GPC5: variants seen among roughly 807,000 people sequenced by gnomAD.
GPC5 encodes the protein glypican-5.
In GPC5, 47 loss-of-function variants were observed where a neutral mutation model predicts 53.9. That is an observed-to-expected ratio of 0.87 (90% confidence interval 0.69 to 1.11). The LOEUF is 1.11. GPC5 is among the 50% of genes most tolerant of loss of function. The pLI is 0.00. For missense variants in GPC5, 748 were observed against 713.1 expected (o/e 1.05, Z -0.56); for synonymous variants, 286 against 263.3 (o/e 1.09, Z -0.84).
At chr13:92,138,510 A>G (rs1200108274) in intron 6 of GPC5, among the ~76,000 whole-genome samples, 4 of 148,680 alleles carry the variant, frequency 2.7e-5, no homozygotes, top group Non-Finnish European at 5.9e-5. Context: ...ACAGAGCCAG[A>G]CTCCATCTCA....
chr13:92,349,970 AC>A (rs1311712904), intron 7 of GPC5, among the ~76,000 whole-genome samples: 2 of 152,182 alleles, frequency 1.3e-5, no homozygotes, highest in Non-Finnish European at 2.9e-5. Flanking sequence ...ATGAACATAG[AC>A]ATAAAAATCC....
chr13:91,452,993 C>T (rs1299332092), intron 2 of GPC5, among the ~76,000 whole-genome samples: 1 of 150,942 alleles, frequency 6.6e-6, no homozygotes, highest in Non-Finnish European at 1.5e-5. Flanking sequence ...TGGAAAATTT[C>T]CAGTTATATA....
At chr13:92,535,199 T>C (rs2138993280) in intron 7 of GPC5, among the ~76,000 whole-genome samples, 1 of 152,264 alleles carries the variant, frequency 6.6e-6, no homozygotes, top group Admixed American at 6.5e-5. Context: ...GGCCTCTCCC[T>C]TTGTTGTTTC....
At chr13:92,711,893 T>C (rs766058049) in intron 7 of GPC5, among the ~76,000 whole-genome samples, 8 of 151,776 alleles carry the variant, frequency 5.3e-5, no homozygotes, top group Non-Finnish European at 1.0e-4. Context: ...AGATACAACA[T>C]ATCAAAATTG....
At chr13:91,559,892 T>C (rs985322179) in intron 2 of GPC5, among the ~76,000 whole-genome samples, 4 of 152,132 alleles carry the variant, frequency 2.6e-5, no homozygotes, top group Non-Finnish European at 5.9e-5. Context: ...GGGTAGATAG[T>C]TTACATACAA....
chr13:91,847,504 T>G (rs2138884164), intron 5 of GPC5, among the ~76,000 whole-genome samples: 1 of 152,282 alleles, frequency 6.6e-6, no homozygotes, highest in Admixed American at 6.5e-5. Flanking sequence ...TCTCAGCTGC[T>G]GAGTGTTACA....
At chr13:91,509,925 T>G (rs1885148804) in intron 2 of GPC5, among the ~76,000 whole-genome samples, 1 of 152,126 alleles carries the variant, frequency 6.6e-6, no homozygotes, top group Non-Finnish European at 1.5e-5. Context: ...ATAAATGTCA[T>G]TACCTAAGCA....
intron 6 of GPC5, among the ~76,000 whole-genome samples, chr13:91,935,477 G>A (rs2039861484): frequency 6.6e-6 from 1 of 151,918 alleles, no homozygotes; most frequent in Non-Finnish European, 1.5e-5. Flanking sequence ...GCAGAAGGGT[G>A]GCCCTTTCCA....
intron 6 of GPC5, among the ~76,000 whole-genome samples, chr13:91,953,987 G>C (rs548209293): frequency 5.9e-5 from 9 of 152,064 alleles, no homozygotes; most frequent in Non-Finnish European, 1.3e-4. Context: ...CAACATGCAT[G>C]AACAATTACA....
At chr13:91,650,750 GTTTTTTTT>G (rs67507888) in intron 2 of GPC5, among the ~76,000 whole-genome samples, 1 of 99,642 alleles carries the variant, frequency 1.0e-5, no homozygotes, top group Non-Finnish European at 2.0e-5. Context: ...ATTCCCATAA[GTTTTTTTT>G]TTTTTTTTTT....
chr13:92,462,863 T>C (rs905522076), intron 7 of GPC5, among the ~76,000 whole-genome samples: 2 of 152,002 alleles, frequency 1.3e-5, no homozygotes, highest in Non-Finnish European at 2.9e-5. Context: ...ATTACAGGCA[T>C]GTGCCACCAC....
chr13:91,575,395 T>G (rs989424460), intron 2 of GPC5, among the ~76,000 whole-genome samples: 1 of 152,140 alleles, frequency 6.6e-6, no homozygotes, highest in Non-Finnish European at 1.5e-5. Flanking sequence ...ATTGATACTT[T>G]GAAAAGTCCT....
chr13:91,827,281 C>T (rs1217709251), intron 5 of GPC5, among the ~76,000 whole-genome samples: 1 of 151,816 alleles, frequency 6.6e-6, no homozygotes, highest in African/African-American at 2.4e-5. Flanking sequence ...AATATATCTT[C>T]TTGACTTATA....
intron 7 of GPC5, among the ~76,000 whole-genome samples, chr13:92,863,097 C>T (rs1052331264): frequency 6.6e-6 from 1 of 152,092 alleles, no homozygotes; most frequent in East Asian, 1.9e-4. Flanking sequence ...TTCCAGATGA[C>T]AAGGAAGGAG....
intron 2 of GPC5, chr13:91,486,607 T>G (rs556135838): frequency 6.6e-6 from 1 of 152,332 alleles, no homozygotes; most frequent in African/African-American, 2.4e-5. Flanking sequence ...CTCTTGATCT[T>G]GGTATCTTTG....
chr13:92,655,057 C>A (rs1284430820), intron 7 of GPC5, among the ~76,000 whole-genome samples: 1 of 152,116 alleles, frequency 6.6e-6, no homozygotes, highest in African/African-American at 2.4e-5. Context: ...AGGGAAGAAG[C>A]CTGAGTTAGA....
At chr13:92,613,384 A>AATATAATATAT (rs1884525125) in intron 7 of GPC5, among the ~76,000 whole-genome samples, 1 of 68,876 alleles carries the variant, frequency 1.5e-5, no homozygotes, top group Non-Finnish European at 2.6e-5. Flanking sequence ...AATATATTAT[A>AATATAATATAT]TTATATATAA....
chr13:91,995,869 G>T (rs879364046), intron 6 of GPC5: 5 of 152,084 alleles, frequency 3.3e-5, no homozygotes, highest in Admixed American at 3.3e-4. Context: ...GGCATTTTAG[G>T]TCTCTGGTTG....
intron 7 of GPC5, among the ~76,000 whole-genome samples, chr13:92,473,458 A>G (rs1050784484): frequency 6.6e-6 from 1 of 152,140 alleles, no homozygotes; most frequent in South Asian, 2.1e-4. Flanking sequence ...TTTTTGGACT[A>G]ATGGTCTGGT....
Sources: gnomAD v4.1 joint callset for allele counts (sites outside exome capture counted in the v4.1 genomes callset) on GRCh38, gnomAD v4.1.1 for gene constraint, MANE v1.5 for transcripts, NCBI Gene and HGNC (gene_info 2026-07-23, HGNC 2026-07-21) for gene names.